Variants in SLC9C1 observed in about 807,000 individuals in gnomAD.
SLC9C1 encodes sodium/hydrogen exchanger 10.
In SLC9C1, 97 loss-of-function variants were observed where a neutral mutation model predicts 140.9. The observed-to-expected ratio is 0.69, with a 90% CI of 0.58 to 0.82. The LOEUF is 0.82. Ranked by LOEUF, SLC9C1 falls within the 40% of genes least tolerant of loss-of-function variation. The pLI is 0.00. For missense variants in SLC9C1, 1,340 were observed against 1,389.3 expected, an observed-to-expected ratio of 0.96 and a Z score of 0.56; for synonymous variants, 440 against 442.6, an observed-to-expected ratio of 0.99 and a Z score of 0.07.
At chr3:112,288,042 C>CA (rs11462109) in intron 1 of SLC9C1, among the ~76,000 whole-genome samples, 45,423 of 82,240 alleles carry the variant, frequency 0.55, 11,516 homozygotes, top group South Asian at 0.67. Flanking sequence ...GACTCCGTCT[C>CA]AAAAAAAAAA....
Position 112,199,461 on chromosome 3 carries a change from C to CAG in SLC9C1, c.2382_2383insCT (p.Glu795LeufsTer12), listed in dbSNP as rs1560055547. ...ACAGCAATTTCTGGGTGATCATACT[C>CAG]TAAGTAGCCTAAAAAATAACAAAAT... On this transcript the variant is annotated frameshift_variant, in exon 20 of 29. Coordinates refer to ENST00000305815, the MANE Select transcript of SLC9C1 (RefSeq NM_183061.3). LOFTEE classifies it high-confidence loss of function. The CAG allele has an allele frequency of 1.9e-6, 3 of 1,560,840 alleles. No homozygotes were observed. Among genetic ancestry groups the CAG allele is most frequent in the Admixed American group, 2.1e-5 (1 of 47,428 alleles).
At position 112,208,226 on chromosome 3, in the gene SLC9C1, GTGTT is replaced by G. The variant is rs1382446641; in HGVS notation, c.1934_1937del (p.Lys645ThrfsTer12). 6.2e-7 allele frequency: 1 copy of G among 1,610,494 alleles called. No homozygotes were observed. Among genetic ancestry groups the G allele is most frequent in the African/African-American group, 1.3e-5 (1 of 74,662 alleles). ...AAAGTGTAAGAAAACAGTAGTTAGT[GTGTT>G]TTAATTCGCTGTGGTAGATTACATT... On this transcript the variant is annotated frameshift_variant, in exon 16 of 29. Coordinates refer to ENST00000305815, the MANE Select transcript of SLC9C1 (RefSeq NM_183061.3). LOFTEE classifies it high-confidence loss of function.
chr3:112,182,575 A>G (rs780884978), intron 20 of SLC9C1, among the ~76,000 whole-genome samples: 10 of 152,134 alleles, frequency 6.6e-5, no homozygotes, highest in African/African-American at 1.2e-4. Flanking sequence ...AGTTTTCCCT[A>G]TGATCATTAT....
intron 5 of SLC9C1, 36 bp downstream of exon 5, chr3:112,277,659 T>C: frequency 2.1e-6 from 3 of 1,431,800 alleles, no homozygotes; most frequent in Non-Finnish European, 1.9e-6. Context: ...TGAAATATGA[T>C]ATTATAAATA....
chr3:112,183,447 A>T (rs1371521767), intron 20 of SLC9C1, among the ~76,000 whole-genome samples: 9 of 139,468 alleles, frequency 6.5e-5, no homozygotes, highest in Non-Finnish European at 1.2e-4. Flanking sequence ...GTAGCTGAGG[A>T]CACAGCCACT....
At chr3:112,174,147 T>G (rs1168473598) in intron 23 of SLC9C1, among the ~76,000 whole-genome samples, 1 of 152,208 alleles carries the variant, frequency 6.6e-6, no homozygotes, top group Admixed American at 6.5e-5. Flanking sequence ...GTGTTTTGCT[T>G]GTTAATTTGT....
At chr3:112,211,053 A>C (rs1376512248) in intron 15 of SLC9C1, among the ~76,000 whole-genome samples, 1 of 152,228 alleles carries the variant, frequency 6.6e-6, no homozygotes, top group Non-Finnish European at 1.5e-5. Flanking sequence ...GGTATAAAAA[A>C]TGAATTTGTT....
chr3:112,166,447 G>T (rs1030779204), intron 26 of SLC9C1, among the ~76,000 whole-genome samples: 2 of 152,180 alleles, frequency 1.3e-5, no homozygotes, highest in Non-Finnish European at 2.9e-5. Context: ...ACATGGCTGG[G>T]GAGGCCTCAA....
intron 2 of SLC9C1, among the ~76,000 whole-genome samples, chr3:112,283,843 CA>C (rs386397631): frequency 1.3e-3 from 145 of 111,922 alleles, no homozygotes; most frequent in South Asian, 9.1e-3. Context: ...AATCACTGTG[CA>C]AAAAAAAAAA....
intron 23 of SLC9C1, among the ~76,000 whole-genome samples, chr3:112,177,939 A>G (rs1379904950): frequency 6.6e-6 from 1 of 151,522 alleles, no homozygotes; most frequent in African/African-American, 2.4e-5. Flanking sequence ...TTTTAAATAT[A>G]TAACATATGT....
Position 112,243,984 on chromosome 3 carries a change from T to C in SLC9C1, c.1279+11A>G, listed in dbSNP as rs776117057. 1 of 1,559,092 alleles carries C rather than the reference T, an allele frequency of 6.4e-7. No individual in the cohort carries two copies. The highest frequency in any genetic ancestry group is 8.8e-7 in the Non-Finnish European group (1 of 1,142,554). On this transcript the variant is annotated intron_variant, in intron 11 of 28. Transcript: ENST00000305815. ...TTTCTCTCCACAGGAATAGTAACTG[T>C]TAGGGCTTACCTAGTATAGTAACTG...
intron 26 of SLC9C1, among the ~76,000 whole-genome samples, chr3:112,162,730 C>T (rs369245421): frequency 6.7e-6 from 1 of 149,444 alleles, no homozygotes; most frequent in South Asian, 2.2e-4. Flanking sequence ...GTCTAAAATT[C>T]TCTTTTTTGG....
chr3:112,227,721 G>A (rs761288949), intron 13 of SLC9C1, among the ~76,000 whole-genome samples: 8 of 152,102 alleles, frequency 5.3e-5, no homozygotes, highest in African/African-American at 1.7e-4. Context: ...TAATGAAGTT[G>A]CAGGATACAA....
intron 10 of SLC9C1, among the ~76,000 whole-genome samples, 160 bp downstream of exon 10, chr3:112,262,764 G>T (rs2108292701): frequency 6.6e-6 from 1 of 151,814 alleles, no homozygotes; most frequent in African/African-American, 2.4e-5. Context: ...GAGAAGGAAA[G>T]TTGCCAGTTG....
intron 9 of SLC9C1, among the ~76,000 whole-genome samples, chr3:112,263,517 A>T (rs2079833457): frequency 6.6e-6 from 1 of 151,050 alleles, no homozygotes; most frequent in Non-Finnish European, 1.5e-5. Flanking sequence ...TATTGGCCAG[A>T]TTTTTTTTTC....
At chr3:112,166,190 A>G (rs181188728) in intron 26 of SLC9C1, among the ~76,000 whole-genome samples, 1 of 152,210 alleles carries the variant, frequency 6.6e-6, no homozygotes. Flanking sequence ...TGACTAGGAT[A>G]GGGAATTCCC....
At chr3:112,198,232 A>T (rs2077815990) in intron 20 of SLC9C1, among the ~76,000 whole-genome samples, 1 of 151,938 alleles carries the variant, frequency 6.6e-6, no homozygotes, top group Non-Finnish European at 1.5e-5. Context: ...TTGTAAATAT[A>T]ATAATATTTT....
At chr3:112,144,804 A>G (rs2074737535) in intron 28 of SLC9C1, among the ~76,000 whole-genome samples, 1 of 152,098 alleles carries the variant, frequency 6.6e-6, no homozygotes, top group Non-Finnish European at 1.5e-5. Context: ...GCATCCTGAA[A>G]CTTTGCTGAA....
At chr3:112,199,735 T>C (rs529934287) in intron 19 of SLC9C1, among the ~76,000 whole-genome samples, 1 of 152,186 alleles carries the variant, frequency 6.6e-6, no homozygotes, top group South Asian at 2.1e-4. Context: ...TTAACAGGTA[T>C]ACTTTTCTAC....
Sources: allele counts gnomAD v4.1 joint callset (sites outside exome capture counted in the v4.1 genomes callset), GRCh38; gene constraint gnomAD v4.1.1; transcripts MANE v1.5; gene names NCBI Gene and HGNC (gene_info 2026-07-23, HGNC 2026-07-21).